ST6GALNAC3: variants seen among roughly 807,000 people sequenced by gnomAD.
The protein encoded by ST6GALNAC3 is alpha-N-acetylgalactosaminide alpha-2,6-sialyltransferase 3.
In ST6GALNAC3, 25 loss-of-function variants were observed where a neutral mutation model predicts 32.7. The observed-to-expected ratio is 0.76, with a 90% CI of 0.56 to 1.07. The LOEUF (loss-of-function observed/expected upper bound fraction) is 1.07, where lower values mean the gene tolerates loss of function less well. Among genes scored for constraint, ST6GALNAC3 ranks in the 50% least tolerant of loss-of-function variants. The pLI, the probability that ST6GALNAC3 is intolerant of heterozygous loss-of-function variation, is 0.00. For synonymous variants in ST6GALNAC3, 129 were observed against 133.1 expected (o/e 0.97, Z 0.21); for missense variants, 355 against 382.4 (o/e 0.93, Z 0.60).
Position 76,576,746 on chromosome 1 carries a change from G to A in ST6GALNAC3, c.624-50706G>A, listed in dbSNP as rs924928144. 3 of 931,358 alleles carry A rather than the reference G, an allele frequency of 3.2e-6. No homozygotes were observed. In the African/African-American group the frequency reaches 5.1e-5, roughly 16 times the overall value. 57.7% of individuals were successfully genotyped at this position (931,358 alleles called of 1,614,324 possible). On this transcript the variant is annotated intron_variant, in intron 3 of 4. Transcript: ENST00000328299. ...GGGAGCCTGATTAATCAGTTTCACA[G>A]TAGGTATAAGGAATGAGGGGGTTCT... is the stretch of plus-strand genomic sequence containing the variant.
chr1:76,522,627 T>G (rs1662618024), intron 3 of ST6GALNAC3, among the ~76,000 whole-genome samples: 1 of 152,240 alleles, frequency 6.6e-6, no homozygotes, highest in Non-Finnish European at 1.5e-5. Flanking sequence ...CATCTCATTA[T>G]TTTGTATAGA....
At chr1:76,173,233 G>A (rs1652636106) in intron 1 of ST6GALNAC3, among the ~76,000 whole-genome samples, 1 of 152,152 alleles carries the variant, frequency 6.6e-6, no homozygotes, top group Non-Finnish European at 1.5e-5. Context: ...TAAGCAATGG[G>A]AAAGAATCTC....
chr1:76,143,392 C>CGTGTGTGTGTGTGTGTGT (rs4034974), intron 1 of ST6GALNAC3, among the ~76,000 whole-genome samples: 3 of 142,444 alleles, frequency 2.1e-5, no homozygotes, highest in Non-Finnish European at 3.0e-5. Context: ...CTTACCAAGT[C>CGTGTGTGTGTGTGTGTGT]GTGTGTGTGT....
Position 76,629,967 on chromosome 1 carries a change from G to A in ST6GALNAC3, c.*1161G>A. The A allele has an allele frequency of 1.0e-6, 1 of 985,076 alleles. No homozygotes were observed. The highest frequency in any genetic ancestry group is 1.2e-6 in the Non-Finnish European group (1 of 829,756). The allele number at this position is 985,076 out of a possible 1,614,324, so 61.0% of individuals were successfully genotyped here. A position where few individuals can be genotyped will look rare whatever the true frequency, so the allele number is the denominator to read the frequency against. Reference sequence around the variant, plus strand: ...TTATTTTTCCCATAGTGTATCAGTTGTTATGCCACAATAACAACAATAATA... The same window carrying A: ...TTATTTTTCCCATAGTGTATCAGTTATTATGCCACAATAACAACAATAATA... On this transcript the variant is annotated 3_prime_UTR_variant, in exon 5 of 5. Transcript: ENST00000328299.
Position 76,349,804 on chromosome 1 carries a change from G to T in ST6GALNAC3, c.213+35805G>T, listed in dbSNP as rs554277057. On this transcript the variant is annotated intron_variant, in intron 2 of 4. Transcript: ENST00000328299. ...ATGTTAGCATTTTGGTTCTTCTGTT[G>T]TTTCTCTTTCTAGGTTTAAATAACA... Among the ~76,000 whole-genome samples, 8 of 152,134 alleles carry T rather than the reference G, an allele frequency of 5.3e-5. No individual in the cohort carries two copies. The South Asian group carries it at 1.5e-3, about 28-fold the overall frequency.
intron 3 of ST6GALNAC3, among the ~76,000 whole-genome samples, chr1:76,505,697 T>A (rs1661440358): frequency 6.6e-6 from 1 of 152,318 alleles, no homozygotes; most frequent in Non-Finnish European, 1.5e-5. Flanking sequence ...TGGCTGTGCA[T>A]TGCTTGAAAT....
chr1:76,491,669 C>T (rs1216573863), intron 3 of ST6GALNAC3, among the ~76,000 whole-genome samples: 6 of 152,162 alleles, frequency 3.9e-5, no homozygotes, highest in Admixed American at 3.9e-4. Context: ...AGTGAGATGC[C>T]AGTTCACTAT....
At chr1:76,403,890 C>T (rs1424027186) in intron 2 of ST6GALNAC3, among the ~76,000 whole-genome samples, 1 of 151,990 alleles carries the variant, frequency 6.6e-6, no homozygotes, top group African/African-American at 2.4e-5. Flanking sequence ...CCATAATTCA[C>T]ATCCATATGA....
intron 1 of ST6GALNAC3, among the ~76,000 whole-genome samples, chr1:76,290,771 G>T (rs4290109): frequency 0.31 from 47,549 of 151,824 alleles, 8,485 homozygotes; most frequent in Non-Finnish European, 0.41. Context: ...CATCCCTGGG[G>T]TGGCCCTACA....
At chr1:76,510,959 G>A (rs4949634) in intron 3 of ST6GALNAC3, among the ~76,000 whole-genome samples, 53,459 of 151,924 alleles carry the variant, frequency 0.35, 9,600 homozygotes, top group African/African-American at 0.4. Context: ...TAAAAAAACT[G>A]TAGGTCAAAC....
chr1:76,576,903 GC>G, intron 3 of ST6GALNAC3: 1 of 1,302,606 alleles, frequency 7.7e-7, no homozygotes, highest in Non-Finnish European at 1.0e-6. Context: ...TACATGTCCT[GC>G]CCCACCACAA....
intron 3 of ST6GALNAC3, among the ~76,000 whole-genome samples, chr1:76,506,313 G>C (rs1661475420): frequency 6.6e-6 from 1 of 152,090 alleles, no homozygotes; most frequent in Non-Finnish European, 1.5e-5. Context: ...AAGGAATCTG[G>C]GCCTGTCTCA....
intron 1 of ST6GALNAC3, among the ~76,000 whole-genome samples, chr1:76,262,301 AC>A (rs1293127179): frequency 6.6e-6 from 1 of 152,170 alleles, no homozygotes; most frequent in Non-Finnish European, 1.5e-5. Flanking sequence ...CAGTACTCCA[AC>A]CCAGCTCTGC....
chr1:76,576,945 A>G, intron 3 of ST6GALNAC3: 1 of 1,280,794 alleles, frequency 7.8e-7, no homozygotes, highest in Non-Finnish European at 1.0e-6. Flanking sequence ...AAAGAAAGAA[A>G]GAAACAAACA....
At chr1:76,462,235 T>TA (rs71676938) in intron 3 of ST6GALNAC3, among the ~76,000 whole-genome samples, 11,252 of 147,924 alleles carry the variant, frequency 0.076, 781 homozygotes, top group African/African-American at 0.18. Context: ...GAATTAATGG[T>TA]AAAAAAAAAA....
chr1:76,526,563 G>A (rs1406866680), intron 3 of ST6GALNAC3, among the ~76,000 whole-genome samples: 1 of 152,020 alleles, frequency 6.6e-6, no homozygotes, highest in Admixed American at 6.6e-5. Context: ...ATTAAGGACA[G>A]CTCCCATTAG....
At position 76,355,798 on chromosome 1, in the gene ST6GALNAC3, C is replaced by T. The variant is rs141878602; in HGVS notation, c.213+41799C>T. Among the ~76,000 whole-genome samples, 722 of 152,238 alleles carry T rather than the reference C, an allele frequency of 4.7e-3. 4 individuals carry two copies. Among genetic ancestry groups the T allele is most frequent in the African/African-American group, 0.016 (683 of 41,544 alleles). On this transcript the variant is annotated intron_variant, in intron 2 of 4. Coordinates refer to ENST00000328299, the MANE Select transcript of ST6GALNAC3 (RefSeq NM_152996.4). The stretch of plus-strand genomic sequence containing the variant: ...CATAGGCCTTTCCATTGCTGATCTG[C>T]ATGAACCATTTATCAAGTCAAGGGT...
intron 2 of ST6GALNAC3, among the ~76,000 whole-genome samples, chr1:76,328,691 T>C (rs190446145): frequency 1.6e-3 from 248 of 152,234 alleles, no homozygotes; most frequent in Admixed American, 4.2e-3. Flanking sequence ...TTTTCCCAAA[T>C]TAAAGAACTA....
intron 1 of ST6GALNAC3, among the ~76,000 whole-genome samples, chr1:76,156,952 C>T (rs1158704638): frequency 6.6e-6 from 1 of 152,186 alleles, no homozygotes; most frequent in East Asian, 1.9e-4. Context: ...AGGATGGTCT[C>T]AATCTTCTGA....
Sources: allele counts gnomAD v4.1 joint callset (sites outside exome capture counted in the v4.1 genomes callset), GRCh38; gene constraint gnomAD v4.1.1; transcripts MANE v1.5; gene names NCBI Gene and HGNC (gene_info 2026-07-23, HGNC 2026-07-21).